PDE1C: variants seen among roughly 807,000 people sequenced by gnomAD.
PDE1C encodes dual specificity calcium/calmodulin-dependent 3',5'-cyclic nucleotide phosphodiesterase 1C.
In PDE1C, 62 loss-of-function variants were observed where a neutral mutation model predicts 93.1. That is an observed-to-expected ratio of 0.67 (90% CI 0.54 to 0.82). The LOEUF (loss-of-function observed/expected upper bound fraction) is 0.82. PDE1C is among the 40% of genes least tolerant of loss of function. PDE1C has a pLI of 0.00. For synonymous variants in PDE1C, 325 were observed against 310.1 expected (o/e 1.05, Z -0.50); for missense variants, 742 against 884.6 (o/e 0.84, Z 2.04).
chr7:31,965,017 G>A (rs1223860583), intron 2 of PDE1C, among the ~76,000 whole-genome samples: 1 of 152,200 alleles, frequency 6.6e-6, no homozygotes, highest in East Asian at 1.9e-4. Flanking sequence ...AAAAAACAGA[G>A]CAGAAAAACT....
At chr7:32,278,125 G>GT (rs1314670110) in intron 1 of PDE1C, among the ~76,000 whole-genome samples, 4 of 14,170 alleles carry the variant, frequency 2.8e-4, no homozygotes, top group African/African-American at 7.9e-4. Flanking sequence ...ACAACGAGTT[G>GT]CCAAAAAAAA....
At chr7:31,840,869 T>C (rs1791775322) in intron 9 of PDE1C, among the ~76,000 whole-genome samples, 1 of 152,114 alleles carries the variant, frequency 6.6e-6, no homozygotes, top group South Asian at 2.1e-4. Context: ...TTGTTCTTCA[T>C]TTAAAAAGTA....
intron 3 of PDE1C, among the ~76,000 whole-genome samples, chr7:32,105,345 T>C (rs1354373649): frequency 6.6e-6 from 1 of 152,014 alleles, no homozygotes; most frequent in Non-Finnish European, 1.5e-5. Context: ...AGGAGACCCA[T>C]GGAAAAATTA....
At chr7:32,205,230 A>G (rs1805345596) in intron 2 of PDE1C, among the ~76,000 whole-genome samples, 1 of 152,220 alleles carries the variant, frequency 6.6e-6, no homozygotes, top group Admixed American at 6.5e-5. Flanking sequence ...GTCCATGACC[A>G]GCATCTGTTC....
chr7:31,700,042 C>T, the PDE1C span, among the ~76,000 whole-genome samples: 1 of 152,060 alleles, frequency 6.6e-6, no homozygotes, highest in African/African-American at 2.4e-5. Context: ...ACAGGGGCCC[C>T]TAAGTGTTCA....
At position 31,780,794 on chromosome 7, in the gene PDE1C, C is replaced by T. The variant is rs369559802; in HGVS notation, c.1892-5062G>A. Reference sequence around the variant, plus strand: ...GCATGTGCGCATGCGTGTGTGTGCACGTGTGCATTTGTGTGTGTGTGTGTG... The same window carrying T: ...GCATGTGCGCATGCGTGTGTGTGCATGTGTGCATTTGTGTGTGTGTGTGTG... On this transcript the variant is annotated intron_variant, in intron 16 of 17. Transcript: ENST00000396191. Among the ~76,000 whole-genome samples the T allele has an allele frequency of 1.2e-3, 159 of 128,348 alleles. 1 individual carries two copies. Among genetic ancestry groups the T allele is most frequent in the African/African-American group, 3.8e-3 (140 of 36,726 alleles). 84.2% of individuals were successfully genotyped at this position (128,348 alleles called of 152,430 possible). A position where few individuals can be genotyped will look rare whatever the true frequency, so the allele number is the denominator to read the frequency against.
intron 3 of PDE1C, among the ~76,000 whole-genome samples, chr7:32,083,711 A>G (rs1048240770): frequency 3.9e-5 from 6 of 152,134 alleles, no homozygotes; most frequent in African/African-American, 1.4e-4. Context: ...ATTCTTAAAG[A>G]AAATAATTTT....
At chr7:31,973,199 A>G (rs1477428680) in intron 2 of PDE1C, among the ~76,000 whole-genome samples, 1 of 152,212 alleles carries the variant, frequency 6.6e-6, no homozygotes, top group Non-Finnish European at 1.5e-5. Flanking sequence ...ATAGAACAAT[A>G]GAAAGAGACA....
chr7:32,389,539 C>A (rs1297072733), intron 1 of PDE1C, among the ~76,000 whole-genome samples: 3 of 152,128 alleles, frequency 2.0e-5, no homozygotes, highest in East Asian at 3.9e-4. Context: ...TGTTATGTAA[C>A]AAGGAAAGTT....
At chr7:31,942,550 G>C (rs1394004834) in intron 2 of PDE1C, among the ~76,000 whole-genome samples, 2 of 152,126 alleles carry the variant, frequency 1.3e-5, no homozygotes, top group African/African-American at 2.4e-5. Context: ...GCTGCCCTTT[G>C]TCTCACAGGT....
chr7:32,350,095 C>G lies in PDE1C; in HGVS notation c.310+77727G>C, dbSNP rs529689739. ...TCTTGCTGTTGTTGTTGTTGTTGTT[C>G]TTCTTCTTCCTTCTTCTTTTTCTTC... On this transcript the variant is annotated intron_variant, in intron 1 of 1. Coordinates refer to the PDE1C transcript ENST00000672256. Among the ~76,000 whole-genome samples, 361 of 151,730 alleles carry G rather than the reference C, an allele frequency of 2.4e-3. 2 individuals carry two copies. The highest frequency in any genetic ancestry group is 8.4e-3 in the African/African-American group (346 of 41,300).
chr7:32,018,889 C>T (rs1176239326), intron 2 of PDE1C, among the ~76,000 whole-genome samples: 1 of 151,944 alleles, frequency 6.6e-6, no homozygotes, highest in Non-Finnish European at 1.5e-5. Flanking sequence ...AGCTTTATTT[C>T]CTAAGAATGC....
intron 1 of PDE1C, among the ~76,000 whole-genome samples, chr7:32,244,124 C>A (rs948947736): frequency 6.6e-6 from 1 of 152,178 alleles, no homozygotes; most frequent in African/African-American, 2.4e-5. Flanking sequence ...GCACCCCACA[C>A]CTGATTTGTG....
upstream of PDE1C, among the ~76,000 whole-genome samples, chr7:32,076,104 T>C (rs897706833): frequency 2.0e-5 from 3 of 152,152 alleles, no homozygotes; most frequent in East Asian, 5.8e-4. Flanking sequence ...CAGGCCAGAT[T>C]TGACTATAAT....
chr7:31,682,031 T>C, the PDE1C span, among the ~76,000 whole-genome samples: 1 of 152,202 alleles, frequency 6.6e-6, no homozygotes, highest in Non-Finnish European at 1.5e-5. Context: ...GGAGTCAGAC[T>C]GTCTGGGATT....
chr7:32,317,194 T>C (rs1783192538), intron 1 of PDE1C, among the ~76,000 whole-genome samples: 1 of 152,216 alleles, frequency 6.6e-6, no homozygotes, highest in African/African-American at 2.4e-5. Flanking sequence ...ATGATTAGAT[T>C]GAAAGAAGTA....
At chr7:32,124,930 A>G (rs767786495) in intron 3 of PDE1C, among the ~76,000 whole-genome samples, 22 of 152,230 alleles carry the variant, frequency 1.4e-4, no homozygotes, top group Non-Finnish European at 2.8e-4. Flanking sequence ...TAGAGTAAAC[A>G]GGCAACCTAC....
intron 2 of PDE1C, among the ~76,000 whole-genome samples, chr7:31,936,115 G>C (rs1805025439): frequency 6.7e-6 from 1 of 150,112 alleles, no homozygotes; most frequent in Admixed American, 6.9e-5. Context: ...CATGGGATCT[G>C]ACAAATAAGT....
At chr7:31,715,652 T>TG in the PDE1C span, among the ~76,000 whole-genome samples, 11 of 152,280 alleles carry the variant, frequency 7.2e-5, no homozygotes, top group African/African-American at 2.7e-4. Context: ...CAGCTTATGC[T>TG]GGGCAACCTT....
Sources: allele counts gnomAD v4.1 joint callset (sites outside exome capture counted in the v4.1 genomes callset), GRCh38; gene constraint gnomAD v4.1.1; transcripts MANE v1.5; gene names NCBI Gene and HGNC (gene_info 2026-07-23, HGNC 2026-07-21).